ZNF536: variants seen among roughly 807,000 people sequenced by gnomAD.
The protein encoded by ZNF536 is zinc finger protein 536.
In ZNF536, 13 loss-of-function variants were observed where a neutral mutation model predicts 84.5. The ratio of observed to expected loss-of-function variants is 0.15; its 90% CI spans 0.10 to 0.24. The LOEUF is 0.24. Among genes scored for constraint, ZNF536 ranks in the 10% least tolerant of loss-of-function variants. The pLI, the probability that ZNF536 is intolerant of heterozygous loss-of-function variation, is 1.00. For missense variants in ZNF536, 1,536 were observed against 1,747.5 expected, an observed-to-expected ratio of 0.88 and a Z score of 2.16; for synonymous variants, 811 against 742.5, an observed-to-expected ratio of 1.09 and a Z score of -1.50.
At chr19:30,591,906 G>A (rs896578720) in intron 1 of ZNF536, among the ~76,000 whole-genome samples, 2 of 151,928 alleles carry the variant, frequency 1.3e-5, no homozygotes, top group Non-Finnish European at 1.5e-5. Flanking sequence ...ATACTGACTA[G>A]GTATGGATAT....
intron 1 of ZNF536, among the ~76,000 whole-genome samples, chr19:30,386,571 T>A (rs1011156814): frequency 6.6e-6 from 1 of 151,976 alleles, no homozygotes; most frequent in African/African-American, 2.4e-5. Context: ...AGAGAGGGGG[T>A]CTCAGTATGT....
chr19:30,582,500 C>A (rs1403705665), intron 1 of ZNF536, among the ~76,000 whole-genome samples: 1 of 150,844 alleles, frequency 6.6e-6, no homozygotes, highest in South Asian at 2.1e-4. Context: ...AAGTGATCCT[C>A]CTGCCTCAGC....
At chr19:30,667,513 C>T (rs1426809894) in intron 1 of ZNF536, among the ~76,000 whole-genome samples, 1 of 150,798 alleles carries the variant, frequency 6.6e-6, no homozygotes, top group East Asian at 1.9e-4. Context: ...GGTTAGGAGA[C>T]CTGAAATGCC....
At chr19:30,353,691 G>A (rs1435368171) in intron 3 of ZNF536, among the ~76,000 whole-genome samples, 1 of 152,132 alleles carries the variant, frequency 6.6e-6, no homozygotes, top group East Asian at 1.9e-4. Flanking sequence ...CTGTTTGGTT[G>A]GGAAAACAAG....
chr19:30,545,646 C>T (rs943859256), intron 3 of ZNF536, among the ~76,000 whole-genome samples: 2 of 151,990 alleles, frequency 1.3e-5, no homozygotes, highest in African/African-American at 4.8e-5. Flanking sequence ...ATCCTCTTGC[C>T]TCGGCCTCCC....
intron 1 of ZNF536, among the ~76,000 whole-genome samples, chr19:30,238,058 T>A (rs964110393): frequency 6.6e-6 from 1 of 152,170 alleles, no homozygotes; most frequent in Non-Finnish European, 1.5e-5. Context: ...TCTTTCTCCC[T>A]CATAAGGTCA....
chr19:30,503,404 G>A (rs188088017), intron 2 of ZNF536, among the ~76,000 whole-genome samples: 168 of 152,268 alleles, frequency 1.1e-3, no homozygotes, highest in Non-Finnish European at 1.0e-3. Flanking sequence ...GAACAGTAAT[G>A]GAAATCTTTG....
intron 3 of ZNF536, among the ~76,000 whole-genome samples, chr19:30,356,957 T>C (rs2048115873): frequency 6.6e-6 from 1 of 152,214 alleles, no homozygotes; most frequent in Non-Finnish European, 1.5e-5. Flanking sequence ...GGTTCGAGCA[T>C]GGTTCTTCCC....
intron 2 of ZNF536, among the ~76,000 whole-genome samples, chr19:30,332,516 G>T (rs2047245817): frequency 6.6e-6 from 1 of 152,100 alleles, no homozygotes; most frequent in Non-Finnish European, 1.5e-5. Context: ...CAGCTGGCTT[G>T]TTCTCCTCTG....
chr19:30,381,899 G>A (rs2049037542), intron 1 of ZNF536, among the ~76,000 whole-genome samples: 1 of 152,164 alleles, frequency 6.6e-6, no homozygotes, highest in Admixed American at 6.5e-5. Flanking sequence ...AAGTATCAAA[G>A]CATTGCTAAA....
chr19:30,668,394 C>A (rs143933656), intron 1 of ZNF536, among the ~76,000 whole-genome samples: 1 of 152,274 alleles, frequency 6.6e-6, no homozygotes, highest in East Asian at 1.9e-4. Context: ...AACCCTGTCC[C>A]AGGCCAGGCT....
intron 2 of ZNF536, among the ~76,000 whole-genome samples, chr19:30,313,650 G>A (rs1164182749): frequency 1.3e-5 from 2 of 152,160 alleles, no homozygotes; most frequent in Non-Finnish European, 2.9e-5. Context: ...GGGCAGGAGG[G>A]AGAGCCTCAC....
rs140721125 is a variant in ZNF536 at position 30,499,714 on chromosome 19, G to A, written c.2171-35133G>A. On this transcript the variant is annotated intron_variant, in intron 2 of 4. Transcript: ENST00000355537. ...CCTTCTTTTCCTACAGCAGTTGTCT[G>A]GACTTCTCCAGACATCTGTCCTCTG... Among the ~76,000 whole-genome samples, 843 of 152,278 alleles carry A rather than the reference G, an allele frequency of 5.5e-3. 8 individuals carry two copies. Among genetic ancestry groups the A allele is most frequent in the African/African-American group, 0.016 (650 of 41,552 alleles).
chr19:30,639,796 T>G (rs1011025227), intron 1 of ZNF536, among the ~76,000 whole-genome samples: 12 of 152,234 alleles, frequency 7.9e-5, no homozygotes, highest in Non-Finnish European at 1.0e-4. Flanking sequence ...CTTCTCAGCA[T>G]CTCGTTGGCT....
chr19:30,395,435 G>A (rs1389591707), intron 1 of ZNF536, among the ~76,000 whole-genome samples: 3 of 152,170 alleles, frequency 2.0e-5, no homozygotes, highest in African/African-American at 7.2e-5. Flanking sequence ...TAGAATGCTG[G>A]TCTGAATGTG....
At chr19:30,620,226 G>A (rs949976172) in intron 1 of ZNF536, among the ~76,000 whole-genome samples, 8 of 152,136 alleles carry the variant, frequency 5.3e-5, no homozygotes, top group African/African-American at 1.9e-4. Context: ...CTCTCTTCCT[G>A]TGGTGCTGCC....
At chr19:30,518,585 T>C (rs1599665714) in intron 2 of ZNF536, among the ~76,000 whole-genome samples, 1 of 152,352 alleles carries the variant, frequency 6.6e-6, no homozygotes, top group Middle Eastern at 3.4e-3. Context: ...CATCCCAGGA[T>C]GATGTGCGTG....
chr19:30,501,804 A>G (rs568971935), intron 2 of ZNF536, among the ~76,000 whole-genome samples: 102 of 152,328 alleles, frequency 6.7e-4, no homozygotes, highest in African/African-American at 2.3e-3. Flanking sequence ...TTCATGCCTG[A>G]GGTTGCAATT....
chr19:30,568,780 G>C (rs151294182), intron 1 of ZNF536, among the ~76,000 whole-genome samples: 389 of 152,302 alleles, frequency 2.6e-3, no homozygotes, highest in African/African-American at 9.0e-3. Flanking sequence ...CGGTGATGGG[G>C]GCAAAGATTT....
Sources: gnomAD v4.1 joint callset for allele counts (sites outside exome capture counted in the v4.1 genomes callset) on GRCh38, gnomAD v4.1.1 for gene constraint, MANE v1.5 for transcripts, NCBI Gene and HGNC (gene_info 2026-07-23, HGNC 2026-07-21) for gene names.